The following TNC variants were observed in gnomAD, a reference collection of about 807,000 sequenced individuals.
TNC encodes the protein tenascin.
Under a neutral mutation model 202.4 loss-of-function variants are expected in TNC, and 109 were observed. That is an observed-to-expected ratio of 0.54 (90% CI 0.46 to 0.63). The LOEUF (loss-of-function observed/expected upper bound fraction) is 0.63. TNC is among the 30% of genes least tolerant of loss of function. The pLI, the probability that TNC is intolerant of heterozygous loss-of-function variation, is 0.00. For synonymous variants in TNC, 1,007 were observed against 1,089.7 expected (o/e 0.92, Z 1.50); for missense variants, 2,756 against 2,833.3 (o/e 0.97, Z 0.62).
rs1314687422 is a variant in TNC, at chr9:115,081,910, C to T, written c.2266G>A (p.Glu756Lys). The change falls in exon 6 of 28, where the codon GAG becomes AAG. Residue 756 changes from glutamate (E) to lysine (K), a missense_variant. Coordinates refer to ENST00000350763, the MANE Select transcript of TNC (RefSeq NM_002160.4). ...GGCCTCCTCAGGCTTTTGGTGATCT[C>T]TCCCTCATCTTCTTTATTCTGAGAG... ...FRNMNKEDEG[E>K]ITKSLRRPET... 2 of 1,589,296 alleles carry T rather than the reference C, an allele frequency of 1.3e-6. No homozygotes were observed. Among genetic ancestry groups the T allele is most frequent in the Non-Finnish European group, 1.7e-6 (2 of 1,173,886 alleles).
chr9:115,111,793 A>G (rs368359714), intron 1 of TNC, among the ~76,000 whole-genome samples: 2 of 152,034 alleles, frequency 1.3e-5, no homozygotes, highest in Non-Finnish European at 2.9e-5. Flanking sequence ...GTAGCCTTGG[A>G]CCAACAGCTT....
rs141377575 is a variant in TNC, at chr9:115,090,862, C to T, written c.157G>A (p.Val53Ile). The T allele has an allele frequency of 4.0e-5, 65 of 1,614,210 alleles. No homozygotes were observed. Among genetic ancestry groups the T allele is most frequent in the East Asian group, 2.5e-4 (11 of 44,884 alleles). The change falls in exon 2 of 28, where the codon GTT becomes ATT. Residue 53 changes from valine to isoleucine, a missense_variant. This residue lies in a region of TNC where 2,559 missense variants were observed against 2,546.0 expected (regional missense o/e 1.01). Transcript: ENST00000350763. ...EENQPVVFNHVYNIKLPVGSQ... is the reference protein window; with the variant it reads ...EENQPVVFNHIYNIKLPVGSQ... ...CCCACTGGCAGCTTGATGTTGTAAACGTGGTTAAACACCACTGGCTGGTTC... is the reference window on the plus strand; with the variant it reads ...CCCACTGGCAGCTTGATGTTGTAAATGTGGTTAAACACCACTGGCTGGTTC...
intron 2 of TNC, among the ~76,000 whole-genome samples, chr9:115,089,100 TC>T (rs1263892746): frequency 6.6e-6 from 1 of 152,224 alleles, no homozygotes; most frequent in South Asian, 2.1e-4. Context: ...CTGTGTATTC[TC>T]ATCTGCATTT....
rs1438134808 is a variant in TNC, at chr9:115,046,438, G to A, written c.5097C>T (p.Ser1699=). The change falls in exon 17 of 28, where the codon TCC becomes TCT. Residue 1699 remains serine, a synonymous_variant. Transcript: ENST00000350763. ...ELYGISKGRR[S]QTVSAIATTA... is the part of the protein sequence containing the mutation. ...TTGTTGCTATAGCACTGACTGTCTG[G>A]GATCGCCTTCCTTTGCTTATTCCAT... The A allele has an allele frequency of 6.2e-7, 1 of 1,614,028 alleles. No homozygotes were observed. Among genetic ancestry groups the A allele is most frequent in the Non-Finnish European group, 8.5e-7 (1 of 1,179,972 alleles).
At chr9:115,035,396 C>G in intron 21 of TNC, 62 bp from the exon 22 acceptor site, 1 of 1,550,082 alleles carries the variant, frequency 6.5e-7, no homozygotes. Context: ...GAAATTCGGG[C>G]TGGGTATCAA....
chr9:115,064,887 T>C lies in TNC; in HGVS notation c.3247A>G (p.Thr1083Ala). The C allele has an allele frequency of 6.2e-7, 1 of 1,614,134 alleles. No homozygotes were observed. Among genetic ancestry groups the C allele is most frequent in the Non-Finnish European group, 8.5e-7 (1 of 1,180,018 alleles). The change falls in exon 11 of 28, where the codon ACT becomes GCT. Residue 1083 changes from threonine to alanine, a missense_variant. Physicochemically the swap from Thr to Ala is moderately conservative, Grantham distance 58. Transcript: ENST00000350763. ...CTGAGGCCATCCCAGCCAACCTCAG[T>C]CACGGTGAGGTTTTCCAGCTCAGGG... Reference protein sequence around the residue: ...QAPELENLTVTEVGWDGLRLN... With the variant: ...QAPELENLTVAEVGWDGLRLN...
At chr9:115,022,361 A>G (rs1389600967) in intron 27 of TNC, among the ~76,000 whole-genome samples, 1 of 152,162 alleles carries the variant, frequency 6.6e-6, no homozygotes, top group Non-Finnish European at 1.5e-5. Context: ...CTTTCCTCTG[A>G]TAGTTCAGGG....
At chr9:115,116,428 AG>A (rs1837473154) in intron 1 of TNC, among the ~76,000 whole-genome samples, 1 of 152,210 alleles carries the variant, frequency 6.6e-6, no homozygotes, top group African/African-American at 2.4e-5. Context: ...ATGCGCACAA[AG>A]CCAGAAACTC....
chr9:115,087,340 G>T (rs1834847705), intron 2 of TNC, 67 bp from the exon 3 acceptor site: 1 of 1,522,620 alleles, frequency 6.6e-7, no homozygotes, highest in South Asian at 1.2e-5. Flanking sequence ...ATCTACCCAG[G>T]GCACCCAGAT....
At chr9:115,054,674 A>T (rs1173032984) in intron 15 of TNC, among the ~76,000 whole-genome samples, 2 of 152,224 alleles carry the variant, frequency 1.3e-5, no homozygotes, top group Non-Finnish European at 2.9e-5. Context: ...GGGTATGGTC[A>T]ATGTTCCATG....
At position 115,024,039 on chromosome 9, in the gene TNC, A is replaced by G; in HGVS notation, c.6429T>C (p.Ala2143=). ...CACGGTGACAGTTCCTGTACCAGAA[A>G]GCCCCTTTGTAGGACAGAGCACAGT... The part of the protein sequence containing the change: ...ITNCALSYKG[A]FWYRNCHRVN... Residue 2143 remains alanine, a synonymous_variant, in exon 27 of 28, where the codon GCT becomes GCC. Transcript: ENST00000350763. 6.2e-7 allele frequency: 1 copy of G among 1,614,142 alleles called. No individual in the cohort carries two copies. The highest frequency in any genetic ancestry group is 8.5e-7 in the Non-Finnish European group (1 of 1,179,984).
Position 115,046,454 on chromosome 9 carries a change from C to A in TNC, c.5081G>T (p.Ser1694Ile), listed in dbSNP as rs564201414. ...GACTGTCTGGGATCGCCTTCCTTTG[C>A]TTATTCCATAGAGTTCAATTTCGTA... ...TEYEIELYGI[S>I]KGRRSQTVSA... Residue 1694 changes from serine (S) to isoleucine (I), a missense_variant, in exon 17 of 28, where the codon AGC becomes ATC. Physicochemically the swap from Ser to Ile is moderately radical, Grantham distance 142 (BLOSUM62 -2). Around this residue, in one of 2 missense-constraint regions of TNC, gnomAD observed 2,559 missense variants for 2,546.0 expected, o/e 1.01. Coordinates refer to ENST00000350763, the MANE Select transcript of TNC (RefSeq NM_002160.4). 7 of 1,614,038 alleles carry A rather than the reference C, an allele frequency of 4.3e-6. No homozygotes were observed. Among genetic ancestry groups the A allele is most frequent in the Non-Finnish European group, 5.9e-6 (7 of 1,179,988 alleles).
At position 115,087,574 on chromosome 9, in the gene TNC, C is replaced by T. The variant is rs1406409660; in HGVS notation, c.458-301G>A. ...TGTGTGTGTGTGTGTGTATTTCCAC[C>T]CCTGGGGAGCGGATTCATAGTTTTT... On this transcript the variant is annotated intron_variant, in intron 2 of 27. Transcript: ENST00000350763. 4.2e-5 allele frequency among the ~76,000 whole-genome samples: 6 copies of T among 144,198 alleles called. No homozygotes were observed. The East Asian group carries it at 9.2e-4, about 22-fold the overall frequency. 94.6% of individuals were successfully genotyped at this position (144,198 alleles called of 152,430 possible). A position where few individuals can be genotyped will look rare whatever the true frequency, so the allele number is the denominator to read the frequency against.
chr9:115,041,199 C>A (rs1003329454), intron 18 of TNC, 115 bp from the exon 19 acceptor site: 1 of 1,217,924 alleles, frequency 8.2e-7, no homozygotes. Flanking sequence ...TCATCAAACA[C>A]CACTTTCTTG....
At chr9:115,098,749 C>A (rs1429640876) in intron 1 of TNC, among the ~76,000 whole-genome samples, 20 of 152,114 alleles carry the variant, frequency 1.3e-4, no homozygotes, top group Admixed American at 1.2e-3. Context: ...GCAGCTTACA[C>A]CAAATTTTTC....
Position 115,090,849 on chromosome 9 carries a change from T to C in TNC, c.170A>G (p.Lys57Arg), listed in dbSNP as rs752769350. Residue 57 changes from lysine (K) to arginine (R), a missense_variant, in exon 2 of 28, where the codon AAG (lysine) becomes AGG (arginine). By Grantham distance (26) the Lys-to-Arg change is conservative (BLOSUM62 2). Around this residue, in one of 2 missense-constraint regions of TNC, gnomAD observed 2,559 missense variants for 2,546.0 expected, o/e 1.01. Coordinates refer to ENST00000350763, the MANE Select transcript of TNC (RefSeq NM_002160.4). The part of the protein sequence containing the change: ...PVVFNHVYNI[K>R]LPVGSQCSVD... Reference sequence around the variant, plus strand: ...CGAACACTGGGATCCCACTGGCAGCTTGATGTTGTAAACGTGGTTAAACAC... The same window carrying C: ...CGAACACTGGGATCCCACTGGCAGCCTGATGTTGTAAACGTGGTTAAACAC... 6.2e-7 allele frequency: 1 copy of C among 1,614,218 alleles called. No homozygotes were observed. The highest frequency in any genetic ancestry group is 1.1e-5 in the South Asian group (1 of 91,082).
At chr9:115,100,353 C>T (rs1000153650) in intron 1 of TNC, among the ~76,000 whole-genome samples, 1 of 152,174 alleles carries the variant, frequency 6.6e-6, no homozygotes, top group African/African-American at 2.4e-5. Context: ...TCGATAACAA[C>T]ACAATTCTGA....
At chr9:115,026,076 G>A (rs1265599505) in intron 26 of TNC, among the ~76,000 whole-genome samples, 1 of 152,188 alleles carries the variant, frequency 6.6e-6, no homozygotes. Flanking sequence ...GCATCACCAG[G>A]GAACTTGGAG....
chr9:115,090,797 C>G lies in TNC; in HGVS notation c.222G>C (p.Glu74Asp). Residue 74 changes from glutamate to aspartate, a missense_variant, in exon 2 of 28, where the codon GAG becomes GAC. Physicochemically the swap from Glu to Asp is conservative, Grantham distance 45 (BLOSUM62 2). This residue lies in a region of TNC where 2,559 missense variants were observed against 2,546.0 expected (regional missense o/e 1.01). Coordinates refer to ENST00000350763, the MANE Select transcript of TNC (RefSeq NM_002160.4). ...GCTCTGAAGGCGGTGCCAGGTCTTT[C>G]TCCCCACTGGCTGACTCCAGATCCA... ...CSVDLESASG[E>D]KDLAPPSEPS... 6.2e-7 allele frequency: 1 copy of G among 1,614,200 alleles called. No homozygotes were observed. The highest frequency in any genetic ancestry group is 8.5e-7 in the Non-Finnish European group (1 of 1,180,030).
Sources: gnomAD v4.1 joint callset for allele counts (sites outside exome capture counted in the v4.1 genomes callset) on GRCh38, gnomAD v4.1.1 for gene constraint, gnomAD v4.1.1 regional missense constraint, MANE v1.5 for transcripts, NCBI Gene and HGNC (gene_info 2026-07-23, HGNC 2026-07-21) for gene names.